Variants in PMFBP1 observed in about 807,000 individuals in gnomAD.
The protein encoded by PMFBP1 is polyamine modulated factor 1 binding protein 1, also known as polyamine-modulated factor 1-binding protein 1.
Under a neutral mutation model 137.8 loss-of-function variants are expected in PMFBP1, and 131 were observed. That is an observed-to-expected ratio of 0.95 (90% CI 0.82 to 1.10). The LOEUF (loss-of-function observed/expected upper bound fraction) is 1.10. Ranked by LOEUF, PMFBP1 falls within the 50% of genes least tolerant of loss-of-function variation. The pLI is 0.00. For synonymous variants in PMFBP1, 490 were observed against 450.4 expected (o/e 1.09, Z -1.11); for missense variants, 1,199 against 1,175.4 (o/e 1.02, Z -0.29).
chr16:72,185,622 T>C, the PMFBP1 span, among the ~76,000 whole-genome samples: 58 of 152,108 alleles, frequency 3.8e-4, 1 homozygote, highest in Admixed American at 3.8e-3. Flanking sequence ...TCACACTATA[T>C]TAGAATTGTG....
the PMFBP1 span, among the ~76,000 whole-genome samples, chr16:72,200,767 A>G: frequency 3.3e-5 from 5 of 152,238 alleles, no homozygotes; most frequent in Non-Finnish European, 5.9e-5. Context: ...ACTGCATGGC[A>G]ACCCTGTGAT....
At chr16:72,161,935 T>C (rs181979500) in intron 3 of PMFBP1, among the ~76,000 whole-genome samples, 11 of 152,348 alleles carry the variant, frequency 7.2e-5, no homozygotes, top group East Asian at 5.8e-4. Context: ...GGAATCAAAC[T>C]TGCCTTATAT....
In PMFBP1 at chr16:72,120,015, A is replaced by G. The variant is rs2144215191; in HGVS notation, c.2843T>C (p.Met948Thr). 6.2e-7 allele frequency: 1 copy of G among 1,613,928 alleles called. No homozygotes were observed. Among genetic ancestry groups the G allele is most frequent in the South Asian group, 1.1e-5 (1 of 91,064 alleles). Reference protein sequence around the residue: ...KLKKEIEEKKMKAENTRLCTK... With the variant: ...KLKKEIEEKKTKAENTRLCTK... ...GCATAGCCTTGTGTTCTCGGCTTTC[A>G]TCTTCTTCTCTTCTATCTCCTTCTT... Residue 948 changes from methionine to threonine, a missense_variant, in exon 20 of 21, where the codon ATG becomes ACG. Physicochemically the swap from Met to Thr is moderately conservative, Grantham distance 81 (BLOSUM62 -1). Coordinates refer to ENST00000237353, the MANE Select transcript of PMFBP1 (RefSeq NM_031293.3).
At chr16:72,220,359 C>T in the PMFBP1 span, among the ~76,000 whole-genome samples, 1 of 151,956 alleles carries the variant, frequency 6.6e-6, no homozygotes, top group Non-Finnish European at 1.5e-5. Context: ...AAAAACGATG[C>T]TTGAAGGAAG....
intron 12 of PMFBP1, 138 bp downstream of exon 12, chr16:72,130,075 G>C: frequency 8.9e-7 from 1 of 1,126,960 alleles, no homozygotes; most frequent in Admixed American, 2.2e-5. Context: ...GGCTGGTCTG[G>C]AACCCCTGGG....
Position 72,132,806 on chromosome 16 carries a change from A to T in PMFBP1, c.1389T>A (p.Ala463=). 1 of 1,614,174 alleles carries T rather than the reference A, an allele frequency of 6.2e-7. No homozygotes were observed. Among genetic ancestry groups the T allele is most frequent in the Non-Finnish European group, 8.5e-7 (1 of 1,180,028 alleles). The change falls in exon 10 of 21, where the codon GCT becomes GCA. Residue 463 remains alanine (A), a synonymous_variant. Transcript: ENST00000237353. ...GACTGTTCTTCAGCTTCTGGACCTC[A>T]GCCTGCAGGGCCTTGCACTCCGCCT... The part of the protein sequence containing the change: ...SKEAECKALQ[A]EVQKLKNSLE...
chr16:72,150,601 G>A lies in PMFBP1; in HGVS notation c.636+7C>T, dbSNP rs758117134. The stretch of plus-strand genomic sequence containing the variant: ...GCCTGGATTGAATGGCCTGACTTAA[G>A]TCCTACCTGACCCATGATCCCGCCG... On this transcript the variant is annotated splice_region_variant and intron_variant, in intron 5 of 20. Transcript: ENST00000237353. 6.8e-6 allele frequency: 11 copies of A among 1,612,108 alleles called. No homozygotes were observed. In the East Asian group the frequency reaches 2.5e-4, roughly 36 times the overall value.
chr16:72,204,673 G>T, the PMFBP1 span, among the ~76,000 whole-genome samples: 5 of 152,182 alleles, frequency 3.3e-5, no homozygotes, highest in Non-Finnish European at 7.4e-5. Context: ...TGTACAGGTA[G>T]CTGTGCTCCC....
intron 9 of PMFBP1, among the ~76,000 whole-genome samples, chr16:72,136,158 G>A (rs1597467863): frequency 6.6e-6 from 1 of 152,096 alleles, no homozygotes; most frequent in African/African-American, 2.4e-5. Context: ...AAGAGTATAA[G>A]GGAACAATGC....
intron 2 of PMFBP1, among the ~76,000 whole-genome samples, chr16:72,167,688 C>T (rs773737907): frequency 1.3e-5 from 2 of 152,190 alleles, no homozygotes; most frequent in Admixed American, 1.3e-4. Flanking sequence ...ACTCTGGCCA[C>T]AGGACTGTCT....
chr16:72,205,487 C>A, the PMFBP1 span, among the ~76,000 whole-genome samples: 28 of 152,218 alleles, frequency 1.8e-4, no homozygotes, highest in Admixed American at 1.8e-3. Flanking sequence ...GCAAACAACC[C>A]CTGTGAGCAT....
chr16:72,223,951 C>T, the PMFBP1 span, among the ~76,000 whole-genome samples: 1 of 151,584 alleles, frequency 6.6e-6, no homozygotes, highest in African/African-American at 2.4e-5. Flanking sequence ...GATAGCATTG[C>T]AAATTCTTAC....
chr16:72,158,607 A>C (rs995435595), intron 3 of PMFBP1, among the ~76,000 whole-genome samples: 2 of 152,138 alleles, frequency 1.3e-5, no homozygotes. Flanking sequence ...ATGATCACAA[A>C]TAAGTACTTA....
At chr16:72,208,986 G>A in the PMFBP1 span, among the ~76,000 whole-genome samples, 3,224 of 152,246 alleles carry the variant, frequency 0.021, 48 homozygotes, top group Middle Eastern at 0.051. Context: ...CTTTTTGAGC[G>A]TGCAAACTGT....
chr16:72,196,716 T>C, the PMFBP1 span, among the ~76,000 whole-genome samples: 7 of 152,218 alleles, frequency 4.6e-5, no homozygotes, highest in African/African-American at 1.7e-4. Flanking sequence ...GTGCCTCCAC[T>C]GGGGAATCTC....
chr16:72,117,055 T>A (rs1463418996), downstream of PMFBP1, among the ~76,000 whole-genome samples: 2 of 128,030 alleles, frequency 1.6e-5, no homozygotes, highest in Non-Finnish European at 1.7e-5. Context: ...AAAAAAAAAA[T>A]TGGGATTTTG....
chr16:72,119,980 G>GGGCTT lies in PMFBP1; in HGVS notation c.2873_2877dup (p.Leu960LysfsTer3), dbSNP rs758132599. On this transcript the variant is annotated frameshift_variant, in exon 20 of 21. Coordinates refer to ENST00000237353, the MANE Select transcript of PMFBP1 (RefSeq NM_031293.3). LOFTEE classifies it high-confidence loss of function. ...GTGGACTCCGTTCTGCTCGGGCCTA[G>GGGCTT]GGCTTTGGTGCATAGCCTTGTGTTC... 1.2e-5 allele frequency: 20 copies of GGGCTT among 1,614,032 alleles called. No individual in the cohort carries two copies. The highest frequency in any genetic ancestry group is 1.7e-5 in the Non-Finnish European group (20 of 1,180,028).
chr16:72,127,752 T>C (rs1018219656), intron 14 of PMFBP1, among the ~76,000 whole-genome samples: 8 of 152,270 alleles, frequency 5.3e-5, no homozygotes, highest in Non-Finnish European at 8.8e-5. Context: ...GAAGTCATCA[T>C]TGATTCCTCA....
At chr16:72,176,357 C>T (rs2043259503), upstream of PMFBP1, among the ~76,000 whole-genome samples, 1 of 152,216 alleles carries the variant, frequency 6.6e-6, no homozygotes, top group African/African-American at 2.4e-5. Flanking sequence ...TGTTTGTTGT[C>T]TGTTCCAACA....
Sources: allele counts gnomAD v4.1 joint callset (sites outside exome capture counted in the v4.1 genomes callset), GRCh38; gene constraint gnomAD v4.1.1; transcripts MANE v1.5; gene names NCBI Gene and HGNC (gene_info 2026-07-23, HGNC 2026-07-21).